IPCEF1: variants seen among roughly 807,000 people sequenced by gnomAD.
The protein encoded by IPCEF1 is interactor protein for cytohesin exchange factors 1.
IPCEF1 carries 31 observed loss-of-function variants against 50.9 expected under a neutral mutation model. That is an observed-to-expected ratio of 0.61 (90% CI 0.46 to 0.82). The LOEUF (loss-of-function observed/expected upper bound fraction) is 0.82. IPCEF1 is among the 40% of genes least tolerant of loss of function. The probability of loss-of-function intolerance (pLI) is 0.00; values close to 1 mark genes in which losing one functional copy is unlikely to be tolerated. For synonymous variants in IPCEF1, 181 were observed against 192.0 expected (o/e 0.94, Z 0.47); for missense variants, 458 against 514.0 (o/e 0.89, Z 1.05).
chr6:154,355,005 C>T (rs1784190620), intron 1 of IPCEF1, among the ~76,000 whole-genome samples: 1 of 8,726 alleles, frequency 1.1e-4, no homozygotes, highest in Non-Finnish European at 2.4e-4. Flanking sequence ...TTCACACACA[C>T]ACACACACAC....
At chr6:154,250,345 A>G (rs1227838659) in intron 3 of IPCEF1, among the ~76,000 whole-genome samples, 2 of 151,960 alleles carry the variant, frequency 1.3e-5, no homozygotes, top group Non-Finnish European at 2.9e-5. Flanking sequence ...ATAAATATTC[A>G]GAGCCTAGTA....
chr6:154,301,341 T>G (rs1008674118), intron 1 of IPCEF1, among the ~76,000 whole-genome samples: 1 of 152,174 alleles, frequency 6.6e-6, no homozygotes, highest in African/African-American at 2.4e-5. Context: ...TAGAGGTTTG[T>G]GATGTTCCCA....
chr6:154,332,288 GTTTT>G (rs59261360), intron 1 of IPCEF1, among the ~76,000 whole-genome samples: 2 of 140,484 alleles, frequency 1.4e-5, no homozygotes, highest in African/African-American at 5.2e-5. Context: ...TGTGTGAGTG[GTTTT>G]TTTTTTTTTT....
chr6:154,209,424 G>A (rs2128602714), intron 9 of IPCEF1, among the ~76,000 whole-genome samples: 1 of 152,190 alleles, frequency 6.6e-6, no homozygotes, highest in East Asian at 1.9e-4. Flanking sequence ...GCCAAGGTGA[G>A]TGCATCACTT....
At chr6:154,189,819 A>G (rs1245617931) in intron 10 of IPCEF1, among the ~76,000 whole-genome samples, 1 of 151,882 alleles carries the variant, frequency 6.6e-6, no homozygotes, top group Non-Finnish European at 1.5e-5. Context: ...AAATACAAAA[A>G]TTATCTGGGC....
At chr6:154,231,845 A>G (rs1468187331) in intron 5 of IPCEF1, among the ~76,000 whole-genome samples, 2 of 152,230 alleles carry the variant, frequency 1.3e-5, no homozygotes, top group Non-Finnish European at 2.9e-5. Flanking sequence ...TCAAAAACAA[A>G]CACGAAAAAG....
intron 2 of IPCEF1, among the ~76,000 whole-genome samples, chr6:154,267,556 T>C (rs1176405984): frequency 2.0e-5 from 3 of 152,220 alleles, no homozygotes; most frequent in Non-Finnish European, 4.4e-5. Context: ...GTTCTTGTCC[T>C]GCATCTGGGA....
At chr6:154,311,610 AT>A (rs907929117) in intron 1 of IPCEF1, among the ~76,000 whole-genome samples, 21 of 152,192 alleles carry the variant, frequency 1.4e-4, no homozygotes, top group East Asian at 1.9e-4. Context: ...AAATAACCCA[AT>A]TTTTTAAATG....
chr6:154,166,411 G>A (rs188987397), intron 11 of IPCEF1, among the ~76,000 whole-genome samples: 17 of 152,252 alleles, frequency 1.1e-4, no homozygotes, highest in African/African-American at 2.9e-4. Context: ...TGCTCTCCGC[G>A]GCCTCTACTT....
chr6:154,300,483 G>A lies in IPCEF1; in HGVS notation c.-61-10727C>T, dbSNP rs145130736. On this transcript the variant is annotated intron_variant, in intron 1 of 11. Coordinates refer to ENST00000367220, the MANE Select transcript of IPCEF1 (RefSeq NM_001130700.2). The stretch of plus-strand genomic sequence containing the variant: ...GTAAAAATTAGCCAGGCATGGTAGC[G>A]TGCACTGTAGTACTTAGCTACTTGA... 1.4e-3 allele frequency among the ~76,000 whole-genome samples: 220 copies of A among 152,236 alleles called. 1 individual carries two copies. Among genetic ancestry groups the A allele is most frequent in the African/African-American group, 4.7e-3 (194 of 41,542 alleles).
intron 1 of IPCEF1, among the ~76,000 whole-genome samples, chr6:154,349,273 C>T (rs376311351): frequency 1.3e-5 from 2 of 151,908 alleles, no homozygotes; most frequent in South Asian, 2.1e-4. Flanking sequence ...CCTACTGCAA[C>T]CTCAATCTCC....
intron 10 of IPCEF1, among the ~76,000 whole-genome samples, chr6:154,185,557 C>T (rs1441551493): frequency 6.6e-6 from 1 of 152,112 alleles, no homozygotes; most frequent in Non-Finnish European, 1.5e-5. Flanking sequence ...CATAAAATTG[C>T]TATAGATTTG....
Position 154,159,708 on chromosome 6 carries a change from G to C in IPCEF1, c.*120C>G. Reference sequence around the variant, plus strand: ...TTCATCTAACGTGCATCTTTAGATGGGAAGCTGATGCTTGAAGGACTGGGT... The same window carrying C: ...TTCATCTAACGTGCATCTTTAGATGCGAAGCTGATGCTTGAAGGACTGGGT... On this transcript the variant is annotated 3_prime_UTR_variant, in exon 12 of 12. Coordinates refer to ENST00000367220, the MANE Select transcript of IPCEF1 (RefSeq NM_001130700.2). The C allele has an allele frequency of 1.4e-6, 1 of 733,460 alleles. No homozygotes were observed. Among genetic ancestry groups the C allele is most frequent in the Non-Finnish European group, 2.3e-6 (1 of 433,520 alleles). 45.4% of individuals were successfully genotyped at this position (733,460 alleles called of 1,614,324 possible).
intron 9 of IPCEF1, among the ~76,000 whole-genome samples, chr6:154,205,090 G>C (rs773824907): frequency 6.6e-6 from 1 of 152,152 alleles, no homozygotes; most frequent in Non-Finnish European, 1.5e-5. Flanking sequence ...AGAGCAGACA[G>C]AGCAGTATCC....
chr6:154,325,520 T>C (rs537996194), intron 1 of IPCEF1, among the ~76,000 whole-genome samples: 3 of 152,330 alleles, frequency 2.0e-5, no homozygotes, highest in South Asian at 4.1e-4. Flanking sequence ...AAAAAATAAC[T>C]GGGTAATAAA....
intron 5 of IPCEF1, among the ~76,000 whole-genome samples, chr6:154,227,542 A>G (rs1386659384): frequency 6.6e-6 from 1 of 152,100 alleles, no homozygotes; most frequent in African/African-American, 2.4e-5. Context: ...AACATGGTGA[A>G]ATCCCATCTC....
chr6:154,220,766 G>T (rs150680962), intron 7 of IPCEF1, among the ~76,000 whole-genome samples: 148 of 152,332 alleles, frequency 9.7e-4, no homozygotes, highest in African/African-American at 3.4e-3. Context: ...CCTGGAAATG[G>T]AGCTAGGGAT....
At chr6:154,305,092 C>G (rs919753892) in intron 1 of IPCEF1, among the ~76,000 whole-genome samples, 1 of 142,466 alleles carries the variant, frequency 7.0e-6, no homozygotes, top group Non-Finnish European at 1.5e-5. Context: ...TCAGCCTGGG[C>G]AACAAGAGCG....
chr6:154,229,015 T>C (rs7745095), intron 5 of IPCEF1, among the ~76,000 whole-genome samples: 17,617 of 152,234 alleles, frequency 0.12, 1,118 homozygotes, highest in Non-Finnish European at 0.14. Context: ...GGATTCAACT[T>C]AGGTGTGACC....
Sources: gnomAD v4.1 joint callset for allele counts (sites outside exome capture counted in the v4.1 genomes callset) on GRCh38, gnomAD v4.1.1 for gene constraint, MANE v1.5 for transcripts, NCBI Gene and HGNC (gene_info 2026-07-23, HGNC 2026-07-21) for gene names.